The following HIBCH variants were observed in gnomAD, a reference collection of about 807,000 sequenced individuals.
HIBCH encodes 3-hydroxyisobutyryl-CoA hydrolase, also known as 3-hydroxyisobutyryl-CoA hydrolase, mitochondrial.
Under a neutral mutation model 58.2 loss-of-function variants are expected in HIBCH, and 50 were observed. The observed-to-expected ratio is 0.86, with a 90% CI of 0.68 to 1.09. HIBCH has a LOEUF of 1.09. Ranked by LOEUF, HIBCH falls within the 50% of genes least tolerant of loss-of-function variation. HIBCH has a pLI of 0.00. For missense variants in HIBCH, 450 were observed against 449.7 expected (o/e 1.00, Z -0.01); for synonymous variants, 151 against 146.9 (o/e 1.03, Z -0.20).
At position 190,206,983 on chromosome 2, in the gene HIBCH, G is replaced by A. The variant is rs144527649; in HGVS notation, c.1046-1751C>T. Among the ~76,000 whole-genome samples the A allele has an allele frequency of 6.7e-3, 1,016 of 152,164 alleles. 12 individuals are homozygous for A. Among genetic ancestry groups the A allele is most frequent in the African/African-American group, 0.022 (921 of 41,516 alleles). On this transcript the variant is annotated intron_variant, in intron 13 of 13. Transcript: ENST00000359678. The surrounding 1 kb of genome is among the most constrained non-coding windows in gnomAD (Gnocchi z 5.1). The stretch of plus-strand genomic sequence containing the variant: ...TACTAAAAATACAAAAAAATTAGGC[G>A]TGGTGGCAGGCGCTTTTAGTCCCAG...
In HIBCH at chr2:190,315,093, G is replaced by A. The variant is rs562667066; in HGVS notation, c.36-4297C>T. Among the ~76,000 whole-genome samples, 56 of 152,008 alleles carry A rather than the reference G, an allele frequency of 3.7e-4. No homozygotes were observed. The highest frequency in any genetic ancestry group is 6.5e-4 in the Non-Finnish European group (44 of 67,972). On this transcript the variant is annotated intron_variant, in intron 1 of 13. Coordinates refer to ENST00000359678, the MANE Select transcript of HIBCH (RefSeq NM_014362.4). The surrounding 1 kb of genome is among the most constrained non-coding windows in gnomAD (Gnocchi z 5.4). ...CTCCTGAGTAGCTGGGACTACAGGTGCCTGCCACCATGCCCGGCTAATTTT... is the reference window on the plus strand; with the variant it reads ...CTCCTGAGTAGCTGGGACTACAGGTACCTGCCACCATGCCCGGCTAATTTT...
rs1690416158 is a variant in HIBCH at position 190,207,350 on chromosome 2, C to T, written c.1045+1530G>A. On this transcript the variant is annotated intron_variant, in intron 13 of 13. Transcript: ENST00000359678. The surrounding 1 kb of genome is among the most constrained non-coding windows in gnomAD (Gnocchi z 4.5). ...AATCAGAGTTCTAGGCTGTAATCCA[C>T]ATGCAGCAAGAATTTGCAGAGAATT... Among the ~76,000 whole-genome samples the T allele has an allele frequency of 6.6e-6, 1 of 152,176 alleles. No homozygotes were observed. The highest frequency in any genetic ancestry group is 2.4e-5 in the African/African-American group (1 of 41,434).
At chr2:190,287,422 A>G (rs1687859048) in intron 6 of HIBCH, among the ~76,000 whole-genome samples, 164 bp downstream of exon 6, 1 of 152,236 alleles carries the variant, frequency 6.6e-6, no homozygotes, top group Non-Finnish European at 1.5e-5. Context: ...AAAGTGCTAT[A>G]AGCAAATATT....
At chr2:190,221,244 C>T (rs1685709873) in intron 11 of HIBCH, among the ~76,000 whole-genome samples, 1 of 152,160 alleles carries the variant, frequency 6.6e-6, no homozygotes, top group Non-Finnish European at 1.5e-5. Context: ...GGTTTGGACT[C>T]TACCGTCAGA....
intron 11 of HIBCH, among the ~76,000 whole-genome samples, chr2:190,223,445 GC>G (rs1249770712): frequency 1.3e-5 from 2 of 152,244 alleles, no homozygotes; most frequent in East Asian, 3.9e-4. Context: ...CAAGAACAAT[GC>G]CTGATAAGTG....
At chr2:190,231,750 GAGA>G (rs1305553137) in intron 11 of HIBCH, among the ~76,000 whole-genome samples, 3 of 151,932 alleles carry the variant, frequency 2.0e-5, no homozygotes, top group Admixed American at 2.0e-4. Context: ...AGAGGGAGAG[GAGA>G]AGAAAAGGAG....
At chr2:190,291,222 A>G (rs1046199976) in intron 4 of HIBCH, among the ~76,000 whole-genome samples, 2 of 152,158 alleles carry the variant, frequency 1.3e-5, no homozygotes, top group Non-Finnish European at 2.9e-5. Context: ...TTTATTGAGC[A>G]CCTACTACAT....
At position 190,276,219 on chromosome 2, in the gene HIBCH, T is replaced by A. The variant is rs115279265; in HGVS notation, c.438+11367A>T. The stretch of plus-strand genomic sequence containing the variant: ...ACACCAAAGAACTATCATGAAAAGT[T>A]AGCCAAAGCTTTAGCGGAAAAAGGC... On this transcript the variant is annotated intron_variant, in intron 6 of 13. Transcript: ENST00000359678. Among the ~76,000 whole-genome samples, 646 of 152,334 alleles carry A rather than the reference T, an allele frequency of 4.2e-3. 2 individuals are homozygous for A. Among genetic ancestry groups the A allele is most frequent in the African/African-American group, 0.014 (598 of 41,574 alleles).
chr2:190,213,221 A>C (rs1408176811), intron 11 of HIBCH, 146 bp from the exon 12 acceptor site: 1 of 677,514 alleles, frequency 1.5e-6, no homozygotes, highest in African/African-American at 1.8e-5. Context: ...CCAAAGCACC[A>C]AACAAAACTT....
intron 2 of HIBCH, 84 bp from the exon 3 acceptor site, chr2:190,297,037 A>AG: frequency 1.6e-6 from 2 of 1,242,622 alleles, no homozygotes; most frequent in Non-Finnish European, 2.3e-6. Flanking sequence ...ATCAAATGCA[A>AG]ATCTTGCATA....
At chr2:190,295,889 A>C (rs1179188605) in intron 3 of HIBCH, among the ~76,000 whole-genome samples, 1 of 152,238 alleles carries the variant, frequency 6.6e-6, no homozygotes, top group African/African-American at 2.4e-5. Context: ...TCTACATGGC[A>C]GACTGTATTA....
rs75521601 is a variant in HIBCH at position 190,256,965 on chromosome 2, A to G, written c.517+4191T>C. 6.8e-3 allele frequency among the ~76,000 whole-genome samples: 1,038 copies of G among 152,338 alleles called. 14 individuals are homozygous for G. Among genetic ancestry groups the G allele is most frequent in the African/African-American group, 0.024 (990 of 41,582 alleles). ...AAAAAATGTTTTTAATGAATGAAGC[A>G]TAAGTGAGCCTTATAGAAGTATGAC... On this transcript the variant is annotated intron_variant, in intron 7 of 13. Coordinates refer to ENST00000359678, the MANE Select transcript of HIBCH (RefSeq NM_014362.4).
chr2:190,203,242 A>T (rs1690303089), downstream of HIBCH: 1 of 167,078 alleles, frequency 6.0e-6, no homozygotes, highest in Non-Finnish European at 1.5e-5. Flanking sequence ...TCTAACAAAT[A>T]TATTGTTTGC....
chr2:190,190,727 A>G (rs995182846), intron 1 of HIBCH, among the ~76,000 whole-genome samples: 1 of 152,190 alleles, frequency 6.6e-6, no homozygotes, highest in African/African-American at 2.4e-5. Context: ...TTTAAATTTT[A>G]GCAATCTTAG....
At chr2:190,269,054 TCTC>T (rs1687317590) in intron 6 of HIBCH, among the ~76,000 whole-genome samples, 1 of 151,970 alleles carries the variant, frequency 6.6e-6, no homozygotes, top group Non-Finnish European at 1.5e-5. Context: ...ACTGGACCGC[TCTC>T]CTTACACCTT....
intron 10 of HIBCH, among the ~76,000 whole-genome samples, 178 bp downstream of exon 10, chr2:190,245,976 C>T (rs972612502): frequency 3.7e-5 from 5 of 134,576 alleles, no homozygotes; most frequent in African/African-American, 8.6e-5. Flanking sequence ...GGGGATAGAG[C>T]GAGACTCTGT....
chr2:190,287,505 A>G, intron 6 of HIBCH, 81 bp downstream of exon 6: 1 of 893,812 alleles, frequency 1.1e-6, no homozygotes. Flanking sequence ...TACATTCATC[A>G]GCTCACTTCT....
In HIBCH at chr2:190,290,424, A is replaced by G; in HGVS notation, c.366T>C (p.Tyr122=). 4.3e-6 allele frequency: 7 copies of G among 1,609,860 alleles called. No homozygotes were observed. Among genetic ancestry groups the G allele is most frequent in the Non-Finnish European group, 6.0e-6 (7 of 1,176,358 alleles). Residue 122 remains tyrosine, a synonymous_variant, in exon 5 of 14, where the codon TAT becomes TAC. Coordinates refer to ENST00000359678, the MANE Select transcript of HIBCH (RefSeq NM_014362.4). The part of the protein sequence containing the change: ...KIAPVFFREE[Y]MLNNAVGSCQ... ...ACATACCAACAGCATTATTCAGCAT[A>G]TATTCTTCTCTGAAGAAAACTGGAG... is the stretch of plus-strand genomic sequence containing the variant.
intron 6 of HIBCH, among the ~76,000 whole-genome samples, chr2:190,285,781 G>A (rs1687814225): frequency 6.6e-6 from 1 of 151,928 alleles, no homozygotes; most frequent in Non-Finnish European, 1.5e-5. Flanking sequence ...ACCTCCCCCC[G>A]CCTTTCTGTG....
Sources: gnomAD v4.1 joint callset for allele counts (sites outside exome capture counted in the v4.1 genomes callset) on GRCh38, gnomAD v4.1.1 for gene constraint, Gnocchi (gnomAD v3.1) non-coding constraint, MANE v1.5 for transcripts, NCBI Gene and HGNC (gene_info 2026-07-23, HGNC 2026-07-21) for gene names.